GRK1: variants seen among roughly 807,000 people sequenced by gnomAD.
GRK1 encodes rhodopsin kinase GRK1.
A neutral mutation model predicts 41.7 loss-of-function variants in GRK1; 28 were observed. That is an observed-to-expected ratio of 0.67 (90% CI 0.50 to 0.92). The LOEUF is 0.92. GRK1 is among the 40% of genes least tolerant of loss of function. The pLI, the probability that GRK1 is intolerant of heterozygous loss-of-function variation, is 0.00. For missense variants in GRK1, 703 were observed against 671.2 expected, an observed-to-expected ratio of 1.05 and a Z score of -0.52; for synonymous variants, 327 against 286.7, an observed-to-expected ratio of 1.14 and a Z score of -1.42.
intron 6 of GRK1, among the ~76,000 whole-genome samples, chr13:113,733,752 TGTGTGC>T (rs2049965485): frequency 8.2e-6 from 1 of 121,736 alleles, no homozygotes; most frequent in Non-Finnish European, 1.9e-5. Context: ...TGCATACATG[TGTGTGC>T]GTGTGTATGT....
At chr13:113,654,911 G>C in the GRK1 span, 5 of 1,613,952 alleles carry the variant, frequency 3.1e-6, no homozygotes, top group Admixed American at 1.7e-5. Context: ...TCATCACCAC[G>C]TAGAAGGCCA....
At chr13:113,733,549 G>A (rs556531537) in intron 6 of GRK1, among the ~76,000 whole-genome samples, 407 of 151,358 alleles carry the variant, frequency 2.7e-3, no homozygotes, top group Non-Finnish European at 3.3e-3. Context: ...ATGCGTGTGC[G>A]CGCACGTGTG....
In GRK1 at chr13:113,667,853, A is replaced by T. The variant is rs1340017086; in HGVS notation, c.467A>T (p.His156Leu). 1.3e-6 allele frequency: 2 copies of T among 1,588,394 alleles called. No homozygotes were observed. The highest frequency in any genetic ancestry group is 1.8e-5 in the Admixed American group (1 of 56,906). ...CCCCTGCTGCAGGCCACCCTGGCAC[A>T]CCTGGGCCAAGCCCCCTTCCAGGAG... is the stretch of plus-strand genomic sequence containing the variant. ...FQPLLQATLA[H>L]LGQAPFQEYL... Residue 156 changes from histidine to leucine, a missense_variant, in exon 1 of 7, where the codon CAC becomes CTC. His to Leu is a moderately conservative substitution (Grantham distance 99, BLOSUM62 -3). Coordinates refer to ENST00000335678, the MANE Select transcript of GRK1 (RefSeq NM_002929.3). This position sits in a 1 kb window ranked among gnomAD's most constrained non-coding sequence, Gnocchi z 7.5.
At position 113,667,370 on chromosome 13, in the gene GRK1, G is replaced by A. The variant is rs140120702; in HGVS notation, c.-17G>A. The A allele has an allele frequency of 1.1e-3, 1,704 of 1,533,138 alleles. 6 individuals are homozygous for A. In the African/African-American group the frequency reaches 0.019, roughly 17 times the overall value. 95.0% of individuals were successfully genotyped at this position (1,533,138 alleles called of 1,614,324 possible). ...GCTGATGGGCCCTCACGCCTGAAGC[G>A]GGCAGGAAGCTCCGGGATGGATTTC... On this transcript the variant is annotated 5_prime_UTR_variant, in exon 1 of 7. Coordinates refer to ENST00000335678, the MANE Select transcript of GRK1 (RefSeq NM_002929.3). The surrounding 1 kb of genome is among the most constrained non-coding windows in gnomAD (Gnocchi z 7.5).
Position 113,735,244 on chromosome 13 carries a change from A to G in GRK1, c.1573A>G (p.Thr525Ala). The change falls in exon 7 of 7, where the codon ACG becomes GCG. Residue 525 changes from threonine (T) to alanine (A), a missense_variant. Coordinates refer to ENST00000335678, the MANE Select transcript of GRK1 (RefSeq NM_002929.3). ...PIPWQEEMIE[T>A]GIFGELNVWR... The stretch of plus-strand genomic sequence containing the variant: ...CCCCTGGCAGGAGGAGATGATCGAG[A>G]CGGGCATCTTTGGCGAGCTGAACGT... 6.5e-7 allele frequency: 1 copy of G among 1,537,132 alleles called. No homozygotes were observed. Among genetic ancestry groups the G allele is most frequent in the Non-Finnish European group, 8.7e-7 (1 of 1,146,880 alleles).
At chr13:113,666,011 CTGTCTCAGG>C (rs1307210797), upstream of GRK1, among the ~76,000 whole-genome samples, 5 of 123,678 alleles carry the variant, frequency 4.0e-5, no homozygotes, top group East Asian at 2.7e-4. Context: ...TGTGCCCCAG[CTGTCTCAGG>C]TGTCTCAGGT....
the GRK1 span, chr13:113,652,873 C>G: frequency 6.2e-7 from 1 of 1,613,946 alleles, no homozygotes; most frequent in Non-Finnish European, 8.5e-7. Context: ...CAGTACTCAC[C>G]CTGTTCATTT....
At chr13:113,727,962 T>G (rs1474459457) in intron 4 of GRK1, among the ~76,000 whole-genome samples, 13 of 41,660 alleles carry the variant, frequency 3.1e-4, no homozygotes, top group South Asian at 9.7e-4. Flanking sequence ...CCCATGGTGA[T>G]GAGGACCCAT....
At chr13:113,655,495 C>T in the GRK1 span, among the ~76,000 whole-genome samples, 3 of 152,306 alleles carry the variant, frequency 2.0e-5, no homozygotes, top group East Asian at 5.8e-4. Flanking sequence ...ACCGGCAACT[C>T]AGGGTGCAGC....
intron 6 of GRK1, among the ~76,000 whole-genome samples, chr13:113,734,025 TGC>T (rs796182358): frequency 0.011 from 1,186 of 109,998 alleles, 37 homozygotes; most frequent in African/African-American, 0.04. Flanking sequence ...TGTGTGTGCG[TGC>T]GTGTGCGTAT....
rs1280364511 is a variant in GRK1, at chr13:113,735,292, C to G, written c.1621C>G (p.Pro541Ala). The G allele has an allele frequency of 1.1e-5, 17 of 1,535,220 alleles. No individual in the cohort carries two copies. The South Asian group carries it at 2.0e-4, about 18-fold the overall frequency. The change falls in exon 7 of 7, where the codon CCG (proline) becomes GCG (alanine). Residue 541 changes from proline (P) to alanine (A), a missense_variant. Transcript: ENST00000335678. ...CGTGTGGCGCTCGGACGGTCAGATG[C>G]CGGACGACATGAAGGGCATCTCCGG... ...LNVWRSDGQM[P>A]DDMKGISGGS...
chr13:113,732,584 C>G (rs1044339393), intron 5 of GRK1, among the ~76,000 whole-genome samples: 3 of 152,244 alleles, frequency 2.0e-5, no homozygotes, highest in Admixed American at 6.5e-5. Flanking sequence ...TCAGCTGGGC[C>G]CGCGCTGGCC....
the GRK1 span, chr13:113,653,542 G>A: frequency 3.4e-6 from 3 of 884,692 alleles, no homozygotes; most frequent in Non-Finnish European, 5.4e-6. Context: ...CAACCCAGGA[G>A]CCTCCTCGGA....
At chr13:113,663,250 T>C (rs1186685830), upstream of GRK1, among the ~76,000 whole-genome samples, 2 of 152,146 alleles carry the variant, frequency 1.3e-5, no homozygotes. Flanking sequence ...AAAAATAACC[T>C]TTTCAACAAA....
In GRK1 at chr13:113,737,472, A is replaced by ATGT. The variant is rs2050013126; in HGVS notation, c.*2109_*2110insTGT. The ATGT allele has an allele frequency of 7.4e-6, 1 of 134,680 alleles. No homozygotes were observed. Among genetic ancestry groups the ATGT allele is most frequent in the Non-Finnish European group, 1.6e-5 (1 of 63,460 alleles). 8.3% of individuals were successfully genotyped at this position (134,680 alleles called of 1,614,324 possible). On this transcript the variant is annotated 3_prime_UTR_variant, in exon 7 of 7. Coordinates refer to ENST00000335678, the MANE Select transcript of GRK1 (RefSeq NM_002929.3). ...AGGAGCATGTCTTCCCATAGATCCC[A>ATGT]CGTCGGCCACACCCTGGGTGAGGAG...
upstream of GRK1, among the ~76,000 whole-genome samples, chr13:113,666,260 C>T (rs1410558735): frequency 1.3e-5 from 2 of 149,670 alleles, no homozygotes; most frequent in African/African-American, 4.9e-5. Flanking sequence ...CCAGCTGTCC[C>T]AAGTGTGTCT....
intron 6 of GRK1, 65 bp downstream of exon 6, chr13:113,733,150 G>GC: frequency 6.9e-7 from 1 of 1,448,260 alleles, no homozygotes; most frequent in Non-Finnish European, 9.2e-7. Context: ...TTGGGTGTCC[G>GC]CCCGGTCCAG....
At chr13:113,658,803 T>G in the GRK1 span, among the ~76,000 whole-genome samples, 80,816 of 152,016 alleles carry the variant, frequency 0.53, 21,936 homozygotes, top group East Asian at 0.71. Flanking sequence ...CGAGGGCCCT[T>G]TAGGATTTTT....
the GRK1 span, chr13:113,658,051 G>A: frequency 1.3e-5 from 21 of 1,605,356 alleles, no homozygotes; most frequent in East Asian, 6.7e-5. Flanking sequence ...GACAGGGTGC[G>A]GCCCAGCATC....
Sources: gnomAD v4.1 joint callset for allele counts (sites outside exome capture counted in the v4.1 genomes callset) on GRCh38, gnomAD v4.1.1 for gene constraint, Gnocchi (gnomAD v3.1) non-coding constraint, MANE v1.5 for transcripts, NCBI Gene and HGNC (gene_info 2026-07-23, HGNC 2026-07-21) for gene names.